The following COL4A6 variants were observed in gnomAD, a reference collection of about 807,000 sequenced individuals.
COL4A6 encodes the protein collagen alpha-6(IV) chain.
A neutral mutation model predicts 126.7 loss-of-function variants in COL4A6; 59 were observed. That is an observed-to-expected ratio of 0.47 (90% CI 0.38 to 0.58). COL4A6 has a LOEUF of 0.58. Ranked by LOEUF, COL4A6 falls within the 20% of genes least tolerant of loss-of-function variation. The pLI, the probability that COL4A6 is intolerant of heterozygous loss-of-function variation, is 0.00. For synonymous variants in COL4A6, 547 were observed against 496.6 expected, an observed-to-expected ratio of 1.10 and a Z score of -1.35; for missense variants, 1,285 against 1,337.3, an observed-to-expected ratio of 0.96 and a Z score of 0.61.
chrX:108,259,896 G>A (rs775169766), intron 3 of COL4A6, among the ~76,000 whole-genome samples: 15 of 110,215 alleles, frequency 1.4e-4, no homozygotes, highest in African/African-American at 2.3e-4. Flanking sequence ...ATTTTCGTGC[G>A]ATGGATTTAC....
intron 2 of COL4A6, among the ~76,000 whole-genome samples, chrX:108,345,635 G>C (rs925043119): frequency 6.3e-5 from 7 of 111,736 alleles, no homozygotes; most frequent in Admixed American, 3.8e-4. Flanking sequence ...GGCTGATGGT[G>C]ACATTTGATA....
At chrX:108,422,108 A>T (rs778930029) in intron 2 of COL4A6, among the ~76,000 whole-genome samples, 2 of 111,879 alleles carry the variant, frequency 1.8e-5, no homozygotes, top group African/African-American at 6.5e-5. Flanking sequence ...TGGTGCTGTG[A>T]CTCATGCCTG....
intron 2 of COL4A6, among the ~76,000 whole-genome samples, chrX:108,428,820 A>G (rs1180000383): frequency 8.9e-6 from 1 of 112,156 alleles, no homozygotes; most frequent in Non-Finnish European, 1.9e-5. Context: ...AAATGAAAAA[A>G]AACACACAGG....
intron 2 of COL4A6, among the ~76,000 whole-genome samples, chrX:108,377,939 C>A: frequency 2.5e-5 from 1 of 39,457 alleles, no homozygotes. Context: ...AAGACTCCGT[C>A]TCAAAAAAAA....
At chrX:108,203,256 A>C (rs1006630848) in intron 12 of COL4A6, among the ~76,000 whole-genome samples, 2 of 112,247 alleles carry the variant, frequency 1.8e-5, no homozygotes, top group South Asian at 3.7e-4. Context: ...GACAGAAAGG[A>C]TGATTGTCTG....
At chrX:108,418,796 A>G (rs1266058137) in intron 2 of COL4A6, among the ~76,000 whole-genome samples, 5 of 112,145 alleles carry the variant, frequency 4.5e-5, no homozygotes, top group Non-Finnish European at 9.4e-5. Flanking sequence ...TCTTTTTCTT[A>G]ATCTACAAAT....
chrX:108,284,241 C>T (rs1374288870), intron 3 of COL4A6, among the ~76,000 whole-genome samples: 3 of 99,100 alleles, frequency 3.0e-5, no homozygotes, highest in Non-Finnish European at 3.9e-5. Context: ...TGTTCTCACT[C>T]TTAAGTGGGA....
At chrX:108,278,035 AT>A (rs1267352188) in intron 3 of COL4A6, among the ~76,000 whole-genome samples, 1 of 111,794 alleles carries the variant, frequency 8.9e-6, no homozygotes, top group East Asian at 2.8e-4. Flanking sequence ...AACCACAAAG[AT>A]GGGGAAAAAA....
intron 13 of COL4A6, among the ~76,000 whole-genome samples, chrX:108,199,385 C>G (rs906933911): frequency 3.6e-5 from 4 of 110,563 alleles, no homozygotes; most frequent in Non-Finnish European, 7.6e-5. Flanking sequence ...TATAAAGTAC[C>G]TACGAATGTT....
chrX:108,298,457 C>T (rs2038388725), intron 3 of COL4A6, among the ~76,000 whole-genome samples: 1 of 111,631 alleles, frequency 9.0e-6, no homozygotes, highest in Non-Finnish European at 1.9e-5. Context: ...GCCTCCGGGC[C>T]CTCTCCCTGG....
chrX:108,280,574 A>T (rs978054146), intron 3 of COL4A6, among the ~76,000 whole-genome samples: 7 of 111,954 alleles, frequency 6.3e-5, no homozygotes, highest in African/African-American at 2.3e-4. Flanking sequence ...TACAAGGAGG[A>T]ACTGGTACCA....
At chrX:108,274,434 G>A (rs1219244816) in intron 3 of COL4A6, among the ~76,000 whole-genome samples, 1 of 111,275 alleles carries the variant, frequency 9.0e-6, no homozygotes, top group East Asian at 2.8e-4. Flanking sequence ...TTGCCTTCTG[G>A]TATGTAAGAA....
chrX:108,267,419 C>A (rs1029436021), intron 3 of COL4A6, among the ~76,000 whole-genome samples: 1 of 112,196 alleles, frequency 8.9e-6, no homozygotes, highest in Admixed American at 9.4e-5. Flanking sequence ...GAAGGGGAAG[C>A]ATTATTCTGC....
In COL4A6 at chrX:108,209,527, T is replaced by C. The variant is rs1041931997; in HGVS notation, c.546+442A>G. ...GTGGAATCTCAAAGAAAAATAATGC[T>C]CTTATTAACATAACTCACAGCCTTA... On this transcript the variant is annotated intron_variant, in intron 8 of 44. Coordinates refer to ENST00000334504, the MANE Select transcript of COL4A6 (RefSeq NM_033641.4). 2.7e-5 allele frequency among the ~76,000 whole-genome samples: 3 copies of C among 112,051 alleles called. No homozygotes were observed. In the Admixed American group the frequency reaches 2.8e-4, roughly 11 times the overall value.
intron 2 of COL4A6, among the ~76,000 whole-genome samples, chrX:108,436,783 A>C (rs2064275694): frequency 8.9e-6 from 1 of 112,126 alleles, no homozygotes; most frequent in African/African-American, 3.2e-5. Context: ...CTCTCTTTAC[A>C]AGAAAAATAG....
intron 2 of COL4A6, among the ~76,000 whole-genome samples, chrX:108,315,139 T>C (rs1248798011): frequency 8.9e-6 from 1 of 112,535 alleles, no homozygotes; most frequent in Non-Finnish European, 1.9e-5. Flanking sequence ...TTCATGGTTT[T>C]ATTGTTACTG....
rs949594700 is a variant in COL4A6, at chrX:108,286,142, C to T, written c.144+24606G>A. Among the ~76,000 whole-genome samples the T allele has an allele frequency of 4.5e-5, 5 of 111,992 alleles. No homozygotes were observed. The Admixed American group carries it at 4.7e-4, about 11-fold the overall frequency. ...CATAAGTCAAACAAAATGTTAAGCT[C>T]CACCTCTAGCTTGGTGTCACTGATT... On this transcript the variant is annotated intron_variant, in intron 3 of 44. Transcript: ENST00000334504.
chrX:108,389,055 TTTGA>T (rs1433200462), intron 2 of COL4A6, among the ~76,000 whole-genome samples: 1 of 112,118 alleles, frequency 8.9e-6, no homozygotes, highest in Non-Finnish European at 1.9e-5. Flanking sequence ...TGAGTTCTAA[TTTGA>T]TTGCATTGTG....
chrX:108,280,454 A>T (rs1454121868), intron 3 of COL4A6, among the ~76,000 whole-genome samples: 1 of 112,219 alleles, frequency 8.9e-6, no homozygotes, highest in East Asian at 2.8e-4. Context: ...GAAGAAGTTG[A>T]ATCTCTGAAT....
Sources: gnomAD v4.1 joint callset for allele counts (sites outside exome capture counted in the v4.1 genomes callset) on GRCh38, gnomAD v4.1.1 for gene constraint, MANE v1.5 for transcripts, NCBI Gene and HGNC (gene_info 2026-07-23, HGNC 2026-07-21) for gene names.